ACVRL1: variants seen among roughly 807,000 people sequenced by gnomAD.
ACVRL1 encodes the protein activin A receptor like type 1.
A neutral mutation model predicts 51.9 loss-of-function variants in ACVRL1; 20 were observed. That is an observed-to-expected ratio of 0.39 (90% confidence interval 0.27 to 0.56). The LOEUF is 0.56. ACVRL1 is among the 20% of genes least tolerant of loss of function. The pLI, the probability that ACVRL1 is intolerant of heterozygous loss-of-function variation, is 0.67. For missense variants in ACVRL1, 451 were observed against 670.3 expected (o/e 0.67, Z 3.61); for synonymous variants, 288 against 280.9 (o/e 1.03, Z -0.25).
chr12:51,916,398 A>G lies in ACVRL1; in HGVS notation c.1246+165A>G, dbSNP rs1940843034. On this transcript the variant is annotated intron_variant, in intron 8 of 9. Coordinates refer to ENST00000388922, the MANE Select transcript of ACVRL1 (RefSeq NM_000020.3). ...GTTCAGCTGAGTGACCTTTTAAGGT[A>G]TAAACCTTAAAAACAGATAACAGGG... Among the ~76,000 whole-genome samples the G allele has an allele frequency of 2.0e-5, 3 of 152,238 alleles. No homozygotes were observed. The South Asian group carries it at 6.2e-4, about 31-fold the overall frequency.
Position 51,917,793 on chromosome 12 carries a change from G to A in ACVRL1, c.1247-1192G>A, listed in dbSNP as rs1204815516. Among the ~76,000 whole-genome samples the A allele has an allele frequency of 6.6e-6, 1 of 152,164 alleles. No homozygotes were observed. The highest frequency in any genetic ancestry group is 1.5e-5 in the Non-Finnish European group (1 of 68,026). ...AAAGAGGAACCTGGAAGAAGCCAAG[G>A]CTCCTTGGACCAGGCTGCAGGGCAG... On this transcript the variant is annotated intron_variant, in intron 8 of 9. Coordinates refer to ENST00000388922, the MANE Select transcript of ACVRL1 (RefSeq NM_000020.3). The surrounding 1 kb of genome is among the most constrained non-coding windows in gnomAD (Gnocchi z 4.2).
Position 51,921,215 on chromosome 12 carries a change from A to ATCCCAG in ACVRL1, c.*329_*334dup. 5 of 387,962 alleles carry ATCCCAG rather than the reference A, an allele frequency of 1.3e-5. No homozygotes were observed. The highest frequency in any genetic ancestry group is 1.1e-4 in the South Asian group (5 of 47,220). The allele number at this position is 387,962 out of a possible 1,614,324, so 24.0% of individuals were successfully genotyped here. A position where few individuals can be genotyped will look rare whatever the true frequency, so the allele number is the denominator to read the frequency against. ...CAGAGTCAGAGTGCCAAGCCAGGGA[A>ATCCCAG]TCCCAGTCCCAGACTCAGAGCCCGG... On this transcript the variant is annotated 3_prime_UTR_variant, in exon 10 of 10. Transcript: ENST00000388922.
Position 51,919,363 on chromosome 12 carries a change from C to CTGTG in ACVRL1, c.1377+286_1377+289dup, listed in dbSNP as rs55945390. 0.076 allele frequency: 29,226 copies of CTGTG among 384,766 alleles called. 702 individuals are homozygous for CTGTG. Among genetic ancestry groups the CTGTG allele is most frequent in the African/African-American group, 0.11 (4,904 of 44,768 alleles). The allele number at this position is 384,766 out of a possible 1,614,324, so 23.8% of individuals were successfully genotyped here. ...GAAAAGTCAGAGGCTATCTGTGGCT[C>CTGTG]TGTGTGTGTGTGTGTGTGTGTGTGT... On this transcript the variant is annotated intron_variant, in intron 9 of 9. Transcript: ENST00000388922.
At chr12:51,908,515 T>C (rs1434196818) in intron 1 of ACVRL1, among the ~76,000 whole-genome samples, 2 of 152,170 alleles carry the variant, frequency 1.3e-5, no homozygotes, top group African/African-American at 4.8e-5. Flanking sequence ...CACTTAGATA[T>C]ATATATTTTT....
chr12:51,914,804 A>G, intron 6 of ACVRL1, among the ~76,000 whole-genome samples: 1 of 151,996 alleles, frequency 6.6e-6, no homozygotes, highest in Middle Eastern at 3.2e-3. Flanking sequence ...GCTGGGATGC[A>G]GTGGTGCAAT....
chr12:51,920,929 GC>G lies in ACVRL1; in HGVS notation c.*37del. The G allele has an allele frequency of 9.3e-6, 14 of 1,498,940 alleles. No homozygotes were observed. The highest frequency in any genetic ancestry group is 1.9e-5 in the Admixed American group (1 of 51,918). 92.9% of individuals were successfully genotyped at this position (1,498,940 alleles called of 1,614,324 possible). ...CCTGATTCCTTTCTGCCTGCAGGGG[GC>G]TGGGGGGGTGGGGGGCAGTGGATGG... On this transcript the variant is annotated 3_prime_UTR_variant, in exon 10 of 10. Coordinates refer to ENST00000388922, the MANE Select transcript of ACVRL1 (RefSeq NM_000020.3).
At chr12:51,916,452 T>G (rs1940843899) in intron 8 of ACVRL1, among the ~76,000 whole-genome samples, 1 of 152,238 alleles carries the variant, frequency 6.6e-6, no homozygotes, top group Non-Finnish European at 1.5e-5. Flanking sequence ...AAATCTTGGG[T>G]ACATGATAAT....
At chr12:51,918,607 C>T (rs548352061) in intron 8 of ACVRL1, among the ~76,000 whole-genome samples, 8 of 152,226 alleles carry the variant, frequency 5.3e-5, no homozygotes, top group African/African-American at 1.7e-4. Flanking sequence ...CCTAGGAATC[C>T]GAGATGGGTT....
chr12:51,922,756 G>A lies in ACVRL1; in HGVS notation c.*1863G>A, dbSNP rs897747583. On this transcript the variant is annotated 3_prime_UTR_variant, in exon 10 of 10. Coordinates refer to ENST00000388922, the MANE Select transcript of ACVRL1 (RefSeq NM_000020.3). ...TCGTCCTCAGCCTAGGGGCAGGGCA[G>A]TGAAGAAAGCTCTCCCCGCTCCTGC... is the stretch of plus-strand genomic sequence containing the variant. 2 of 152,308 alleles carry A rather than the reference G, an allele frequency of 1.3e-5. No individual in the cohort carries two copies. The highest frequency in any genetic ancestry group is 4.8e-5 in the African/African-American group (2 of 41,432). 9.4% of individuals were successfully genotyped at this position (152,308 alleles called of 1,614,324 possible).
chr12:51,919,215 AGATACT>A (rs771783315), intron 9 of ACVRL1, 100 bp downstream of exon 9: 2 of 1,565,500 alleles, frequency 1.3e-6, no homozygotes. Flanking sequence ...TTCATCTCAT[AGATACT>A]GAGTGTCCTG....
chr12:51,915,815 C>T, intron 7 of ACVRL1: 1 of 639,716 alleles, frequency 1.6e-6, no homozygotes, highest in Non-Finnish European at 2.7e-6. Context: ...CTTGCCCACT[C>T]ACATCTCGCT....
In ACVRL1 at chr12:51,922,355, C is replaced by T. The variant is rs1274311615; in HGVS notation, c.*1462C>T. 1 of 152,258 alleles carries T rather than the reference C, an allele frequency of 6.6e-6. No individual in the cohort carries two copies. The allele number at this position is 152,258 out of a possible 1,614,324, so 9.4% of individuals were successfully genotyped here. On this transcript the variant is annotated 3_prime_UTR_variant, in exon 10 of 10. Transcript: ENST00000388922. ...AGCCAGCCCCTCGCCCTCTCTGTGGCATAGTCTTCTCTGCCCCAGGACTGC... is the reference window on the plus strand; with the variant it reads ...AGCCAGCCCCTCGCCCTCTCTGTGGTATAGTCTTCTCTGCCCCAGGACTGC...
In ACVRL1 at chr12:51,922,774, G is replaced by A. The variant is rs752825661; in HGVS notation, c.*1881G>A. ...CAGGGCAGTGAAGAAAGCTCTCCCCGCTCCTGCTGTAATGACCCAGAGTAG... is the reference window on the plus strand; with the variant it reads ...CAGGGCAGTGAAGAAAGCTCTCCCCACTCCTGCTGTAATGACCCAGAGTAG... On this transcript the variant is annotated 3_prime_UTR_variant, in exon 10 of 10. Transcript: ENST00000388922. 1.8e-4 allele frequency: 27 copies of A among 152,282 alleles called. No individual in the cohort carries two copies. Among genetic ancestry groups the A allele is most frequent in the Non-Finnish European group, 2.9e-4 (20 of 68,062 alleles). The allele number at this position is 152,282 out of a possible 1,614,324, so 9.4% of individuals were successfully genotyped here.
Position 51,913,226 on chromosome 12 carries a change from C to G in ACVRL1, c.189C>G (p.Pro63=), listed in dbSNP as rs764124308. 3.1e-6 allele frequency: 5 copies of G among 1,589,694 alleles called. No homozygotes were observed. Among genetic ancestry groups the G allele is most frequent in the Non-Finnish European group, 4.3e-6 (5 of 1,168,568 alleles). The change falls in exon 3 of 10, where the codon CCC becomes CCG. Residue 63 remains proline, a synonymous_variant. Transcript: ENST00000388922. ...VVLVREEGRH[P]QEHRGCGNLH... Reference sequence around the variant, plus strand: ...TGGTGCGGGAGGAGGGGAGGCACCCCCAGGAACATCGGGGCTGCGGGAACT... The same window carrying G: ...TGGTGCGGGAGGAGGGGAGGCACCCGCAGGAACATCGGGGCTGCGGGAACT...
chr12:51,923,022 TG>T lies in ACVRL1; in HGVS notation c.*2130del, dbSNP rs1164689403. Reference sequence around the variant, plus strand: ...CCCAGCCCACGAATCATCTCCCTCTTGAAGGATTTTATTTCTACTGGGTTTT... The same window carrying T: ...CCCAGCCCACGAATCATCTCCCTCTTAAGGATTTTATTTCTACTGGGTTTT... On this transcript the variant is annotated 3_prime_UTR_variant, in exon 10 of 10. Transcript: ENST00000388922. 6.6e-6 allele frequency: 1 copy of T among 152,578 alleles called. No individual in the cohort carries two copies. The highest frequency in any genetic ancestry group is 1.5e-5 in the Non-Finnish European group (1 of 68,024). The allele number at this position is 152,578 out of a possible 1,614,324, so 9.5% of individuals were successfully genotyped here.
intron 9 of ACVRL1, 67 bp from the exon 10 acceptor site, chr12:51,920,692 A>G: frequency 6.4e-7 from 1 of 1,567,696 alleles, no homozygotes; most frequent in Non-Finnish European, 8.7e-7. Flanking sequence ...CTCTCTCCCG[A>G]CCCCCTCCTC....
intron 9 of ACVRL1, 83 bp downstream of exon 9, chr12:51,919,198 C>T: frequency 5.6e-6 from 9 of 1,596,074 alleles, no homozygotes; most frequent in African/African-American, 1.3e-5. Context: ...GTGTCTGAGG[C>T]CTCTGCTTCA....
Position 51,914,491 on chromosome 12 carries a change from G to A in ACVRL1, c.678G>A (p.Val226=). ...GGGGCTTGTGGCACGGTGAGAGTGT[G>A]GCCGTCAAGATCTTCTCCTCGAGGG... ...VWRGLWHGES[V]AVKIFSSRDE... The change falls in exon 6 of 10, where the codon GTG becomes GTA. Residue 226 remains valine (V), a synonymous_variant. Transcript: ENST00000388922. 2.5e-6 allele frequency: 4 copies of A among 1,614,162 alleles called. No homozygotes were observed. Among genetic ancestry groups the A allele is most frequent in the Non-Finnish European group, 3.4e-6 (4 of 1,180,022 alleles).
rs1060499838 is a variant in ACVRL1 at position 51,920,858 on chromosome 12, AG to A, written c.1478del (p.Ser493ThrfsTer9). The A allele has an allele frequency of 6.3e-7, 1 of 1,586,992 alleles. No homozygotes were observed. Among genetic ancestry groups the A allele is most frequent in the Non-Finnish European group, 8.6e-7 (1 of 1,163,616 alleles). On this transcript the variant is annotated frameshift_variant, in exon 10 of 10. Coordinates refer to ENST00000388922, the MANE Select transcript of ACVRL1 (RefSeq NM_000020.3). LOFTEE classifies it high-confidence loss of function. Reference protein sequence around the residue: ...LRIKKTLQKISNSPEKPKVIQ With the variant: ...LRIKKTLQKIXNSPEKPKVIQ ...GATCAAGAAGACACTACAAAAAATTAGCAACAGTCCAGAGAAGCCTAAAGTG... is the reference window on the plus strand; with the variant it reads ...GATCAAGAAGACACTACAAAAAATTACAACAGTCCAGAGAAGCCTAAAGTG...
Sources: gnomAD v4.1 joint callset for allele counts (sites outside exome capture counted in the v4.1 genomes callset) on GRCh38, gnomAD v4.1.1 for gene constraint, Gnocchi (gnomAD v3.1) non-coding constraint, MANE v1.5 for transcripts, NCBI Gene and HGNC (gene_info 2026-07-23, HGNC 2026-07-21) for gene names.